NUDT3: variants seen among roughly 807,000 people sequenced by gnomAD.
NUDT3 encodes the protein diphosphoinositol polyphosphate phosphohydrolase 1.
In NUDT3, 9 loss-of-function variants were observed where a neutral mutation model predicts 23.6. The observed-to-expected ratio is 0.38, with a 90% CI of 0.23 to 0.66. The LOEUF (loss-of-function observed/expected upper bound fraction) is 0.66, where lower values mean the gene tolerates loss of function less well. Among genes scored for constraint, NUDT3 ranks in the 30% least tolerant of loss-of-function variants. NUDT3 has a pLI of 0.52. For missense variants in NUDT3, 172 were observed against 218.5 expected (o/e 0.79, Z 1.34); for synonymous variants, 86 against 82.6 (o/e 1.04, Z -0.22).
intron 2 of NUDT3, among the ~76,000 whole-genome samples, chr6:34,341,590 C>T (rs975093648): frequency 6.6e-6 from 1 of 152,138 alleles, no homozygotes; most frequent in East Asian, 1.9e-4. Context: ...TGATTTTGTG[C>T]CACAGGTAAC....
chr6:34,335,394 A>G (rs573086949), intron 2 of NUDT3, among the ~76,000 whole-genome samples: 1 of 152,314 alleles, frequency 6.6e-6, no homozygotes, highest in East Asian at 1.9e-4. Flanking sequence ...AATTAAATAT[A>G]AAAATGTTTA....
At chr6:34,372,212 A>G (rs1473271523) in intron 1 of NUDT3, among the ~76,000 whole-genome samples, 1 of 152,124 alleles carries the variant, frequency 6.6e-6, no homozygotes, top group Non-Finnish European at 1.5e-5. Flanking sequence ...ATATGTGTGC[A>G]TGTGTCTTTA....
rs779508055 is a variant in NUDT3 at position 34,392,321 on chromosome 6, G to A, written c.42C>T (p.Gly14=). ...ATGCGGCCCGCTTCTTGTAGCCGTC[G>A]CCGTCGTAGGTGCGGGTCTGGTTCG... The part of the protein sequence containing the change: ...LKSNQTRTYD[G]DGYKKRAACL... Residue 14 remains glycine (G), a synonymous_variant, in exon 1 of 5, where the codon GGC becomes GGT. Coordinates refer to ENST00000607016, the MANE Select transcript of NUDT3 (RefSeq NM_006703.4). The A allele has an allele frequency of 2.5e-6, 4 of 1,606,250 alleles. No individual in the cohort carries two copies. The South Asian group carries it at 4.4e-5, about 18-fold the overall frequency.
rs1398477267 is a variant in NUDT3 at position 34,293,339 on chromosome 6, G to A, written c.340+112C>T. ...GGCCTTCCAAAGTACTGGGGTTATA[G>A]GTGTGAGCCACTGAGCCTGGTACGC... On this transcript the variant is annotated intron_variant, in intron 4 of 4. Coordinates refer to ENST00000607016, the MANE Select transcript of NUDT3 (RefSeq NM_006703.4). The A allele has an allele frequency of 3.2e-6, 4 of 1,258,452 alleles. No individual in the cohort carries two copies. The African/African-American group carries it at 5.9e-5, about 18-fold the overall frequency. The allele number at this position is 1,258,452 out of a possible 1,614,324, so 78.0% of individuals were successfully genotyped here. A position where few individuals can be genotyped will look rare whatever the true frequency, so the allele number is the denominator to read the frequency against.
At chr6:34,298,813 C>A (rs1174577777) in intron 2 of NUDT3, among the ~76,000 whole-genome samples, 3 of 152,128 alleles carry the variant, frequency 2.0e-5, no homozygotes. Flanking sequence ...TAGCAGAATT[C>A]TATTTAATGT....
rs144358131 is a variant in NUDT3 at position 34,325,935 on chromosome 6, A to G, written c.210+15927T>C. Among the ~76,000 whole-genome samples, 572 of 152,352 alleles carry G rather than the reference A, an allele frequency of 3.8e-3. 7 individuals are homozygous for G. Among genetic ancestry groups the G allele is most frequent in the Non-Finnish European group, 3.9e-3 (264 of 68,028 alleles). Reference sequence around the variant, plus strand: ...GCTCAGGAACTTGAATATAGCTGGTATATATATAATAAGTACTTACGCTTA... The same window carrying G: ...GCTCAGGAACTTGAATATAGCTGGTGTATATATAATAAGTACTTACGCTTA... On this transcript the variant is annotated intron_variant, in intron 2 of 4. Transcript: ENST00000607016.
chr6:34,327,009 A>T (rs1764044866), intron 2 of NUDT3, among the ~76,000 whole-genome samples: 1 of 151,836 alleles, frequency 6.6e-6, no homozygotes. Context: ...GCCCGGGGGG[A>T]CTACTACCAC....
chr6:34,356,085 G>A (rs966051662), intron 1 of NUDT3, among the ~76,000 whole-genome samples: 13 of 152,124 alleles, frequency 8.5e-5, no homozygotes, highest in African/African-American at 3.1e-4. Flanking sequence ...CACAGTTCCT[G>A]GCTGTGTCTG....
intron 4 of NUDT3, among the ~76,000 whole-genome samples, chr6:34,290,270 T>A (rs1763399762): frequency 6.6e-6 from 1 of 151,436 alleles, no homozygotes; most frequent in Admixed American, 6.6e-5. Context: ...AGAGATAGGA[T>A]CTCACAGGCT....
intron 1 of NUDT3, among the ~76,000 whole-genome samples, chr6:34,392,038 C>G (rs911791191): frequency 1.3e-5 from 2 of 152,238 alleles, no homozygotes; most frequent in South Asian, 2.1e-4. Flanking sequence ...CCGGCTACCC[C>G]CTCCGCCCGG....
chr6:34,358,249 T>C (rs1440057265), intron 1 of NUDT3, among the ~76,000 whole-genome samples: 1 of 143,076 alleles, frequency 7.0e-6, no homozygotes, highest in East Asian at 2.1e-4. Context: ...AGAAACTGCA[T>C]GAGTAGTTTA....
At chr6:34,373,425 TATCTATCCTCATAA>T (rs1764869639) in intron 1 of NUDT3, among the ~76,000 whole-genome samples, 1 of 152,116 alleles carries the variant, frequency 6.6e-6, no homozygotes, top group Non-Finnish European at 1.5e-5. Flanking sequence ...GGCTGAACGG[TATCTATCCTCATAA>T]ATAATTGTAG....
At chr6:34,346,444 C>A (rs964518588) in intron 1 of NUDT3, among the ~76,000 whole-genome samples, 3 of 151,988 alleles carry the variant, frequency 2.0e-5, no homozygotes, top group East Asian at 3.9e-4. Context: ...AAGTTACAGT[C>A]CAAAAGAAAA....
chr6:34,373,225 G>C (rs998399937), intron 1 of NUDT3, among the ~76,000 whole-genome samples: 2 of 149,232 alleles, frequency 1.3e-5, no homozygotes, highest in African/African-American at 5.0e-5. Flanking sequence ...TTTGCAGTGA[G>C]CTGAGATCAC....
intron 1 of NUDT3, among the ~76,000 whole-genome samples, chr6:34,347,620 A>G (rs1229890392): frequency 6.6e-6 from 1 of 152,200 alleles, no homozygotes; most frequent in East Asian, 1.9e-4. Flanking sequence ...AAACCTAATG[A>G]AGGGAGGGAG....
intron 2 of NUDT3, among the ~76,000 whole-genome samples, chr6:34,320,049 TTAA>T (rs1171008524): frequency 3.9e-5 from 6 of 152,186 alleles, no homozygotes; most frequent in Non-Finnish European, 5.9e-5. Context: ...TGTCTCCTTT[TTAA>T]TAATTTACAT....
At chr6:34,313,759 G>A (rs1302335299) in intron 2 of NUDT3, among the ~76,000 whole-genome samples, 9 of 150,912 alleles carry the variant, frequency 6.0e-5, no homozygotes, top group Non-Finnish European at 1.5e-5. Context: ...TCAGGAGATC[G>A]AGACCATCCT....
rs79196087 is a variant in NUDT3, at chr6:34,294,436, T to A, written c.256-901A>T. Among the ~76,000 whole-genome samples the A allele has an allele frequency of 3.4e-3, 516 of 151,948 alleles. 4 individuals carry two copies. The highest frequency in any genetic ancestry group is 0.027 in the Middle Eastern group (8 of 294). The stretch of plus-strand genomic sequence containing the variant: ...AGTGCCCAGCCACCTTTTAAAAAAA[T>A]TTATTTATTGCCAGGGGCGGTGGCT... On this transcript the variant is annotated intron_variant, in intron 3 of 4. Transcript: ENST00000607016.
At chr6:34,348,546 G>A (rs1764416576) in intron 1 of NUDT3, among the ~76,000 whole-genome samples, 1 of 152,200 alleles carries the variant, frequency 6.6e-6, no homozygotes, top group Middle Eastern at 3.4e-3. Context: ...GGCAGGCCGA[G>A]GCGGGTGGAT....
Sources: allele counts gnomAD v4.1 joint callset (sites outside exome capture counted in the v4.1 genomes callset), GRCh38; gene constraint gnomAD v4.1.1; transcripts MANE v1.5; gene names NCBI Gene and HGNC (gene_info 2026-07-23, HGNC 2026-07-21).